The following TRPM3 variants were observed in gnomAD, a reference collection of about 807,000 sequenced individuals.
TRPM3 encodes long transient receptor potential channel 3.
TRPM3 carries 77 observed loss-of-function variants against 181.2 expected under a neutral mutation model. The observed-to-expected ratio is 0.42, with a 90% CI of 0.35 to 0.51. The LOEUF (loss-of-function observed/expected upper bound fraction) is 0.51. Ranked by LOEUF, TRPM3 falls within the 20% of genes least tolerant of loss-of-function variation. The probability of loss-of-function intolerance (pLI) is 0.01; values close to 1 mark genes in which losing one functional copy is unlikely to be tolerated. For missense variants in TRPM3, 1,759 were observed against 2,196.7 expected, an observed-to-expected ratio of 0.80 and a Z score of 3.98; for synonymous variants, 745 against 796.4, an observed-to-expected ratio of 0.94 and a Z score of 1.09.
chr9:70,846,775 T>C (rs1256456520), intron 3 of TRPM3, among the ~76,000 whole-genome samples, 184 bp from the exon 4 acceptor site: 1 of 152,244 alleles, frequency 6.6e-6, no homozygotes, highest in Non-Finnish European at 1.5e-5. Context: ...GTTCATATTT[T>C]TAAAGGCTTT....
intron 1 of TRPM3, among the ~76,000 whole-genome samples, chr9:70,975,920 AT>A (rs1019504892): frequency 3.3e-5 from 5 of 152,198 alleles, no homozygotes; most frequent in African/African-American, 1.2e-4. Context: ...TGCTGTGAGA[AT>A]TCAATTAATT....
intron 1 of TRPM3, among the ~76,000 whole-genome samples, chr9:71,201,874 A>AGCTGCGTTTCTTTGG (rs2078817155): frequency 6.6e-6 from 1 of 152,168 alleles, no homozygotes; most frequent in Non-Finnish European, 1.5e-5. Context: ...GCTGGTGAGG[A>AGCTGCGTTTCTTTGG]ACTGCGTTCC....
intron 1 of TRPM3, among the ~76,000 whole-genome samples, chr9:71,153,079 T>A (rs1267187192): frequency 6.6e-6 from 1 of 152,024 alleles, no homozygotes; most frequent in Non-Finnish European, 1.5e-5. Flanking sequence ...GAGGTTGGCA[T>A]CATCAAAATC....
At chr9:70,776,550 T>G (rs2130708032) in intron 7 of TRPM3, 1 of 653,976 alleles carries the variant, frequency 1.5e-6, no homozygotes, top group Admixed American at 2.6e-5. Context: ...CCTTAAAAAC[T>G]CCATGTAAAT....
chr9:71,187,377 C>T (rs956388291), intron 1 of TRPM3, among the ~76,000 whole-genome samples: 1 of 151,994 alleles, frequency 6.6e-6, no homozygotes. Flanking sequence ...AGTCTACCCA[C>T]TTCTTATTCC....
chr9:71,130,659 C>T (rs2074312717), intron 1 of TRPM3, among the ~76,000 whole-genome samples: 1 of 152,150 alleles, frequency 6.6e-6, no homozygotes, highest in Non-Finnish European at 1.5e-5. Flanking sequence ...CAGATTCTGA[C>T]TGCTTTTATT....
At chr9:71,244,071 C>G (rs912522184) in intron 1 of TRPM3, among the ~76,000 whole-genome samples, 1 of 152,046 alleles carries the variant, frequency 6.6e-6, no homozygotes, top group Admixed American at 6.6e-5. Context: ...CTGTGGCCTA[C>G]GTATAGTAAG....
chr9:71,361,031 G>T (rs1282111408), intron 1 of TRPM3, among the ~76,000 whole-genome samples: 4 of 152,054 alleles, frequency 2.6e-5, no homozygotes, highest in Non-Finnish European at 4.4e-5. Context: ...TTGTGGCCTA[G>T]GCTGGAGTGC....
At chr9:71,105,101 T>C (rs1350265626) in intron 1 of TRPM3, among the ~76,000 whole-genome samples, 1 of 152,076 alleles carries the variant, frequency 6.6e-6, no homozygotes, top group African/African-American at 2.4e-5. Context: ...AAAAGATAAA[T>C]CAGCTATGCT....
chr9:70,769,093 T>C (rs2079698439), intron 7 of TRPM3, among the ~76,000 whole-genome samples: 1 of 152,188 alleles, frequency 6.6e-6, no homozygotes, highest in Non-Finnish European at 1.5e-5. Flanking sequence ...TAAATGGTTC[T>C]ACAGAGCAGA....
At chr9:71,004,950 G>T (rs1184283324) in intron 1 of TRPM3, among the ~76,000 whole-genome samples, 1 of 152,078 alleles carries the variant, frequency 6.6e-6, no homozygotes, top group Non-Finnish European at 1.5e-5. Flanking sequence ...GAATAAAAAA[G>T]AAGAGTAAAG....
At chr9:70,786,899 T>C (rs555286666) in intron 6 of TRPM3, among the ~76,000 whole-genome samples, 1 of 152,290 alleles carries the variant, frequency 6.6e-6, no homozygotes, top group East Asian at 1.9e-4. Context: ...GTGGAATCTT[T>C]ACTCCAACTC....
rs117136992 is a variant in TRPM3, at chr9:71,228,134, C to T, written c.183+218519G>A. Among the ~76,000 whole-genome samples the T allele has an allele frequency of 5.4e-3, 818 of 152,204 alleles. 5 individuals are homozygous for T. Among genetic ancestry groups the T allele is most frequent in the Admixed American group, 8.9e-3 (136 of 15,276 alleles). On this transcript the variant is annotated intron_variant, in intron 1 of 24. Transcript: ENST00000357533. ...ACAATACATTAAAAAGATCACTCAT[C>T]GTGACCAAGTTGGATTTATCTTAGG... is the stretch of plus-strand genomic sequence containing the variant.
intron 1 of TRPM3, among the ~76,000 whole-genome samples, chr9:71,128,601 C>T (rs2074193116): frequency 1.3e-5 from 2 of 152,162 alleles, no homozygotes; most frequent in South Asian, 2.1e-4. Context: ...CACATACACA[C>T]ATGTAAGCAC....
At chr9:70,976,465 C>G (rs971013890) in intron 1 of TRPM3, among the ~76,000 whole-genome samples, 51 of 152,278 alleles carry the variant, frequency 3.3e-4, no homozygotes, top group African/African-American at 1.2e-3. Context: ...GAATCCTAGC[C>G]CATCTCAACT....
At chr9:71,168,376 T>C (rs1288226484) in intron 1 of TRPM3, among the ~76,000 whole-genome samples, 2 of 152,008 alleles carry the variant, frequency 1.3e-5, no homozygotes, top group Admixed American at 6.6e-5. Flanking sequence ...TACCTTCCAC[T>C]TGGGTAGAAA....
chr9:71,219,047 G>T (rs975721293), intron 1 of TRPM3, among the ~76,000 whole-genome samples: 1 of 152,168 alleles, frequency 6.6e-6, no homozygotes, highest in Admixed American at 6.5e-5. Flanking sequence ...AAGTCTAAAG[G>T]AATGAGAAAC....
chr9:71,245,378 A>G (rs2081974209), intron 1 of TRPM3, among the ~76,000 whole-genome samples: 1 of 151,680 alleles, frequency 6.6e-6, no homozygotes, highest in Non-Finnish European at 1.5e-5. Flanking sequence ...CAGGAGGCGG[A>G]AGTTGCAGTG....
At chr9:71,242,422 A>G (rs1014226493) in intron 1 of TRPM3, among the ~76,000 whole-genome samples, 1 of 152,210 alleles carries the variant, frequency 6.6e-6, no homozygotes, top group South Asian at 2.1e-4. Flanking sequence ...TGGTGAAAAC[A>G]ATCTGTTTAT....
Sources: gnomAD v4.1 joint callset for allele counts (sites outside exome capture counted in the v4.1 genomes callset) on GRCh38, gnomAD v4.1.1 for gene constraint, MANE v1.5 for transcripts, NCBI Gene and HGNC (gene_info 2026-07-23, HGNC 2026-07-21) for gene names.